Variants in AIG1 observed in about 807,000 individuals in gnomAD.
The protein encoded by AIG1 is androgen-induced gene 1 protein.
Under a neutral mutation model 31.4 loss-of-function variants are expected in AIG1, and 23 were observed. The ratio of observed to expected loss-of-function variants is 0.73; its 90% CI spans 0.53 to 1.04. The LOEUF is 1.04. AIG1 is among the 50% of genes least tolerant of loss of function. AIG1 has a pLI of 0.00. For missense variants in AIG1, 274 were observed against 295.0 expected (o/e 0.93, Z 0.52); for synonymous variants, 100 against 110.5 (o/e 0.90, Z 0.60).
chr6:143,333,784 C>T lies in AIG1; in HGVS notation c.679+339C>T, dbSNP rs1431672427. On this transcript the variant is annotated intron_variant, in intron 5 of 5. Coordinates refer to ENST00000357847, the MANE Select transcript of AIG1 (RefSeq NM_016108.4). The surrounding 1 kb of genome is among the most constrained non-coding windows in gnomAD (Gnocchi z 4.6). Reference sequence around the variant, plus strand: ...AACAACACAATGCTGCCTTAGTTAGCTAAAGGGACCTCAAATTAAATAGAT... The same window carrying T: ...AACAACACAATGCTGCCTTAGTTAGTTAAAGGGACCTCAAATTAAATAGAT... Among the ~76,000 whole-genome samples the T allele has an allele frequency of 6.6e-6, 1 of 152,114 alleles. No individual in the cohort carries two copies. The highest frequency in any genetic ancestry group is 6.5e-5 in the Admixed American group (1 of 15,274).
chr6:143,235,165 A>G (rs1233534576), intron 3 of AIG1, among the ~76,000 whole-genome samples: 1 of 152,214 alleles, frequency 6.6e-6, no homozygotes, highest in Admixed American at 6.5e-5. Flanking sequence ...GAAAATGGTG[A>G]CATACAACCT....
chr6:143,217,775 CG>C (rs1476507494), intron 3 of AIG1, among the ~76,000 whole-genome samples: 3 of 152,202 alleles, frequency 2.0e-5, no homozygotes, highest in Non-Finnish European at 2.9e-5. Flanking sequence ...TCCCAAAGTG[CG>C]GGGATTACAG....
chr6:143,128,633 C>T (rs1782910954), intron 1 of AIG1, among the ~76,000 whole-genome samples: 1 of 152,182 alleles, frequency 6.6e-6, no homozygotes, highest in African/African-American at 2.4e-5. Flanking sequence ...GCTTAAGATC[C>T]ACTTGTGCAT....
In AIG1 at chr6:143,085,385, C is replaced by T. The variant is rs760449768; in HGVS notation, c.141+24319C>T. Among the ~76,000 whole-genome samples the T allele has an allele frequency of 2.0e-4, 31 of 152,282 alleles. No individual in the cohort carries two copies. In the Middle Eastern group the frequency reaches 0.01, roughly 50 times the overall value. On this transcript the variant is annotated intron_variant, in intron 1 of 5. Coordinates refer to ENST00000357847, the MANE Select transcript of AIG1 (RefSeq NM_016108.4). Reference sequence around the variant, plus strand: ...GGACCTCTGCTTATTGGATTCGTTACGCTCACCGATGTAGCAGTCCTGCAC... The same window carrying T: ...GGACCTCTGCTTATTGGATTCGTTATGCTCACCGATGTAGCAGTCCTGCAC...
In AIG1 at chr6:143,198,972, A is replaced by C. The variant is rs545701989; in HGVS notation, c.399+33789A>C. Among the ~76,000 whole-genome samples, 21 of 152,270 alleles carry C rather than the reference A, an allele frequency of 1.4e-4. No individual in the cohort carries two copies. The South Asian group carries it at 4.1e-3, about 30-fold the overall frequency. On this transcript the variant is annotated intron_variant, in intron 3 of 5. Transcript: ENST00000357847. ...TGTCCCAATCTTTGATAAACCTACA[A>C]ATAAGAAAGATCCAAAACTGCAGTA...
At chr6:143,116,715 A>G (rs774767607) in intron 1 of AIG1, among the ~76,000 whole-genome samples, 1 of 150,468 alleles carries the variant, frequency 6.6e-6, no homozygotes, top group Non-Finnish European at 1.5e-5. Flanking sequence ...GGGAACTTTC[A>G]TACTGGGGAG....
chr6:143,102,726 T>C (rs1399770301), intron 1 of AIG1, among the ~76,000 whole-genome samples: 1 of 151,856 alleles, frequency 6.6e-6, no homozygotes, highest in Non-Finnish European at 1.5e-5. Context: ...ACATTTTGTT[T>C]TGGTTAACAG....
chr6:143,301,230 G>A (rs542585533), intron 4 of AIG1, among the ~76,000 whole-genome samples: 8 of 152,204 alleles, frequency 5.3e-5, no homozygotes, highest in Non-Finnish European at 7.3e-5. Context: ...CAATGTTCAA[G>A]GCAGTCATTA....
At chr6:143,317,484 T>C (rs1201876848) in intron 4 of AIG1, among the ~76,000 whole-genome samples, 4 of 151,988 alleles carry the variant, frequency 2.6e-5, no homozygotes, top group South Asian at 2.1e-4. Context: ...CTCAGCAAAA[T>C]TGGCATTGAA....
chr6:143,217,717 C>T (rs1014314474), intron 3 of AIG1, among the ~76,000 whole-genome samples: 1 of 152,154 alleles, frequency 6.6e-6, no homozygotes, highest in Non-Finnish European at 1.5e-5. Flanking sequence ...CCATGTTGGC[C>T]AGGCTCATCT....
intron 3 of AIG1, among the ~76,000 whole-genome samples, chr6:143,180,333 A>C (rs1583433993): frequency 1.3e-5 from 2 of 152,366 alleles, no homozygotes; most frequent in South Asian, 2.1e-4. Context: ...TATTTGAGAT[A>C]GAAGAAGGCA....
At chr6:143,179,743 TTG>T (rs1788545806) in intron 3 of AIG1, among the ~76,000 whole-genome samples, 1 of 152,250 alleles carries the variant, frequency 6.6e-6, no homozygotes, top group Non-Finnish European at 1.5e-5. Context: ...CGCAATCTTT[TTG>T]TATAAATACT....
Position 143,330,508 on chromosome 6 carries a change from C to A in AIG1, c.516-2774C>A, listed in dbSNP as rs1477666699. On this transcript the variant is annotated intron_variant, in intron 4 of 5. Transcript: ENST00000357847. The surrounding 1 kb of genome is among the most constrained non-coding windows in gnomAD (Gnocchi z 4.4). Reference sequence around the variant, plus strand: ...CGAGGAACACCAAGGAGTTGATGGGCTGGAGTGGCGGGGAACGATGGGGAG... The same window carrying A: ...CGAGGAACACCAAGGAGTTGATGGGATGGAGTGGCGGGGAACGATGGGGAG... 6.6e-6 allele frequency among the ~76,000 whole-genome samples: 1 copy of A among 152,006 alleles called. No homozygotes were observed. The highest frequency in any genetic ancestry group is 2.4e-5 in the African/African-American group (1 of 41,386).
chr6:143,060,802 CCGCCCCGCCCCGCCCCGCGCCCG>C (rs1224534603), upstream of AIG1: 1 of 126,644 alleles, frequency 7.9e-6, no homozygotes, highest in East Asian at 2.6e-4. Flanking sequence ...GCCCCCGCCC[CCGCCCCGCCCCGCCCCGCGCCCG>C]CGCCCGCGCC....
At chr6:143,138,907 A>AG in intron 2 of AIG1, among the ~76,000 whole-genome samples, 1 of 152,034 alleles carries the variant, frequency 6.6e-6, no homozygotes, top group South Asian at 2.1e-4. Context: ...AAAAAAAAAA[A>AG]AAAAGTAAAC....
chr6:143,168,963 T>G (rs1787233704), intron 3 of AIG1, among the ~76,000 whole-genome samples: 1 of 151,986 alleles, frequency 6.6e-6, no homozygotes, highest in African/African-American at 2.4e-5. Flanking sequence ...GCATATTTAG[T>G]AATTTTGCTG....
intron 3 of AIG1, among the ~76,000 whole-genome samples, chr6:143,219,304 A>C (rs576620546): frequency 6.6e-6 from 1 of 152,248 alleles, no homozygotes; most frequent in South Asian, 2.1e-4. Flanking sequence ...CAGGTTCCTT[A>C]TCTATAAAAC....
chr6:143,185,107 G>A (rs1018742952), intron 3 of AIG1, among the ~76,000 whole-genome samples: 7 of 151,472 alleles, frequency 4.6e-5, no homozygotes, highest in African/African-American at 1.2e-4. Context: ...GAGGCAGGAT[G>A]CTAACTTGAA....
chr6:143,152,731 C>T lies in AIG1; in HGVS notation c.298-12351C>T, dbSNP rs192143226. On this transcript the variant is annotated intron_variant, in intron 2 of 5. Coordinates refer to ENST00000357847, the MANE Select transcript of AIG1 (RefSeq NM_016108.4). ...GTGAGGCATAAGACCACCAGATATA[C>T]AAAAGTTTCCTCCCTCCAGGCCTTA... Among the ~76,000 whole-genome samples, 102 of 152,284 alleles carry T rather than the reference C, an allele frequency of 6.7e-4. 1 individual carries two copies. Among genetic ancestry groups the T allele is most frequent in the Admixed American group, 2.3e-3 (35 of 15,302 alleles).
Sources: gnomAD v4.1 joint callset for allele counts (sites outside exome capture counted in the v4.1 genomes callset) on GRCh38, gnomAD v4.1.1 for gene constraint, Gnocchi (gnomAD v3.1) non-coding constraint, MANE v1.5 for transcripts, NCBI Gene and HGNC (gene_info 2026-07-23, HGNC 2026-07-21) for gene names.